PI16: variants seen among roughly 807,000 people sequenced by gnomAD.
PI16 encodes PSP94-binding protein.
PI16 carries 35 observed loss-of-function variants against 38.0 expected under a neutral mutation model. The ratio of observed to expected loss-of-function variants is 0.92; its 90% confidence interval spans 0.70 to 1.22. The LOEUF (loss-of-function observed/expected upper bound fraction) is 1.22. PI16 is among the 50% of genes most tolerant of loss of function. The pLI, the probability that PI16 is intolerant of heterozygous loss-of-function variation, is 0.00. For synonymous variants in PI16, 275 were observed against 252.9 expected, an observed-to-expected ratio of 1.09 and a Z score of -0.83; for missense variants, 572 against 593.8, an observed-to-expected ratio of 0.96 and a Z score of 0.38.
chr6:36,961,574 G>A lies in PI16; in HGVS notation c.503+14G>A, dbSNP rs767562274. 1.2e-6 allele frequency: 2 copies of A among 1,610,862 alleles called. No individual in the cohort carries two copies. Among genetic ancestry groups the A allele is most frequent in the Non-Finnish European group, 1.7e-6 (2 of 1,177,100 alleles). ...CTATGAGCCTCCGTGAGTGCCGGGGGGAACCCTGGAGATGGAGAGGGGGAA... is the reference window on the plus strand; with the variant it reads ...CTATGAGCCTCCGTGAGTGCCGGGGAGAACCCTGGAGATGGAGAGGGGGAA... On this transcript the variant is annotated intron_variant, in intron 3 of 6. Transcript: ENST00000373674.
chr6:36,959,297 C>T lies in PI16; in HGVS notation c.324C>T (p.His108=). 2 of 1,590,692 alleles carry T rather than the reference C, an allele frequency of 1.3e-6. No individual in the cohort carries two copies. Among genetic ancestry groups the T allele is most frequent in the East Asian group, 2.3e-5 (1 of 43,740 alleles). ...DVPLAMEEWH[H]EREHYNLSAA... ...CGCTGGCCATGGAGGAGTGGCACCACGAGCGTGAGCACTACAACCTCAGCG... is the reference window on the plus strand; with the variant it reads ...CGCTGGCCATGGAGGAGTGGCACCATGAGCGTGAGCACTACAACCTCAGCG... Residue 108 remains histidine, a synonymous_variant, in exon 2 of 7, where the codon CAC becomes CAT. Transcript: ENST00000373674.
At chr6:36,959,780 A>G (rs1275043011) in intron 2 of PI16, among the ~76,000 whole-genome samples, 1 of 151,788 alleles carries the variant, frequency 6.6e-6, no homozygotes, top group African/African-American at 2.4e-5. Context: ...AGGTGGAAGG[A>G]TCACTTCAGC....
chr6:36,954,042 C>T (rs569767231), upstream of PI16, among the ~76,000 whole-genome samples: 16 of 152,334 alleles, frequency 1.1e-4, no homozygotes, highest in African/African-American at 2.9e-4. Context: ...GGCCTCTCCC[C>T]CCGCAGGCAA....
rs1174323147 is a variant in PI16 at position 36,961,612 on chromosome 6, G to A, written c.503+52G>A. 4.5e-6 allele frequency: 7 copies of A among 1,541,434 alleles called. No homozygotes were observed. In the East Asian group the frequency reaches 1.6e-4, roughly 35 times the overall value. On this transcript the variant is annotated intron_variant, in intron 3 of 6. Coordinates refer to ENST00000373674, the MANE Select transcript of PI16 (RefSeq NM_153370.3). ...TGGAGAGGGGGAAGGCACAGGCAGA[G>A]CCAAGGGGAGGGCAGAGTCGGCCAC...
upstream of PI16, among the ~76,000 whole-genome samples, chr6:36,951,024 C>A (rs548114827): frequency 6.6e-6 from 1 of 152,232 alleles, no homozygotes; most frequent in South Asian, 2.1e-4. Context: ...TCAACACTTG[C>A]TATTTTCTGT....
upstream of PI16, among the ~76,000 whole-genome samples, chr6:36,953,816 G>A (rs1427706455): frequency 2.0e-5 from 3 of 152,094 alleles, no homozygotes; most frequent in Non-Finnish European, 4.4e-5. Context: ...CAGAGCTCCT[G>A]GTGCATCAGC....
intron 2 of PI16, among the ~76,000 whole-genome samples, 199 bp downstream of exon 2, chr6:36,959,565 C>T (rs1763300089): frequency 6.6e-6 from 1 of 152,204 alleles, no homozygotes; most frequent in African/African-American, 2.4e-5. Flanking sequence ...AAGACTCTGA[C>T]GGAGTCGGCT....
chr6:36,954,516 A>G (rs573237359), upstream of PI16: 14 of 505,262 alleles, frequency 2.8e-5, no homozygotes, highest in Non-Finnish European at 4.5e-5. Flanking sequence ...GAACTCACAC[A>G]GCTTTTGGCC....
intron 6 of PI16, 28 bp downstream of exon 6, chr6:36,963,990 C>A: frequency 6.3e-7 from 1 of 1,584,974 alleles, no homozygotes; most frequent in Non-Finnish European, 8.6e-7. Flanking sequence ...GGGCCCTGGC[C>A]TCATACCCAC....
chr6:36,953,910 C>T (rs58759314), upstream of PI16, among the ~76,000 whole-genome samples: 5,743 of 152,298 alleles, frequency 0.038, 375 homozygotes, highest in African/African-American at 0.13. Context: ...CACAGGGGTC[C>T]CAGCATCCCA....
In PI16 at chr6:36,954,891, G is replaced by A. The variant is rs367635172; in HGVS notation, c.131G>A (p.Arg44Gln). ...ATGGTGGAGCTGCACAACCTCTACC[G>A]GGCCCAGGTATCCCCGACGGCCTCA... is the stretch of plus-strand genomic sequence containing the variant. ...RLMVELHNLYRAQVSPTASDM... is the reference protein window; with the variant it reads ...RLMVELHNLYQAQVSPTASDM... The change falls in exon 1 of 7, where the codon CGG becomes CAG. Residue 44 changes from arginine (R) to glutamine (Q), a missense_variant. Physicochemically the swap from Arg to Gln is conservative, Grantham distance 43. Transcript: ENST00000373674. 51 of 1,613,648 alleles carry A rather than the reference G, an allele frequency of 3.2e-5. 1 individual carries two copies. In the South Asian group the frequency reaches 3.7e-4, roughly 12 times the overall value.
intron 1 of PI16, among the ~76,000 whole-genome samples, chr6:36,956,901 C>G (rs1763221810): frequency 6.6e-6 from 1 of 152,190 alleles, no homozygotes; most frequent in Admixed American, 6.5e-5. Flanking sequence ...GCCTCCAGAG[C>G]TAATCAGCAC....
In PI16 at chr6:36,963,373, C is replaced by G. The variant is rs1260157334; in HGVS notation, c.1031C>G (p.Thr344Arg). Residue 344 changes from threonine to arginine, a missense_variant, in exon 5 of 7, where the codon ACA becomes AGA. Thr to Arg is a moderately conservative substitution (Grantham distance 71, BLOSUM62 -1). Coordinates refer to ENST00000373674, the MANE Select transcript of PI16 (RefSeq NM_153370.3). ...TCTCTGGACCCCAAGATGTCCCTGACAGGGGCAAGGGAACTCCTACCCCAT... is the reference window on the plus strand; with the variant it reads ...TCTCTGGACCCCAAGATGTCCCTGAGAGGGGCAAGGGAACTCCTACCCCAT... ...ENSLDPKMSL[T>R]GARELLPHAQ... The G allele has an allele frequency of 4.3e-6, 7 of 1,614,210 alleles. No individual in the cohort carries two copies. The highest frequency in any genetic ancestry group is 5.9e-6 in the Non-Finnish European group (7 of 1,180,030).
upstream of PI16, among the ~76,000 whole-genome samples, chr6:36,950,716 C>T (rs1003788305): frequency 3.0e-4 from 45 of 152,164 alleles, no homozygotes; most frequent in Admixed American, 2.6e-3. The surrounding 1 kb of genome is among the most constrained non-coding windows in gnomAD (Gnocchi z 4.2). Context: ...GCTAATTTTG[C>T]GCTTTTGGCA....
intron 2 of PI16, 123 bp from the exon 3 acceptor site, chr6:36,961,328 G>T (rs752592497): frequency 2.5e-6 from 2 of 795,514 alleles, no homozygotes; most frequent in Non-Finnish European, 4.4e-6. Flanking sequence ...CCTTGGGGAC[G>T]TGGATGTCAC....
chr6:36,962,005 G>A lies in PI16; in HGVS notation c.592+31G>A. 1 of 1,572,134 alleles carries A rather than the reference G, an allele frequency of 6.4e-7. No individual in the cohort carries two copies. Among genetic ancestry groups the A allele is most frequent in the South Asian group, 1.1e-5 (1 of 90,226 alleles). On this transcript the variant is annotated intron_variant, in intron 4 of 6. Transcript: ENST00000373674. The surrounding 1 kb of genome is among the most constrained non-coding windows in gnomAD (Gnocchi z 4.1). Reference sequence around the variant, plus strand: ...TCCACGGGTGGATGGGTAGGGGCAGGGGGTGTGGAAATGATGCGATGCAGA... The same window carrying A: ...TCCACGGGTGGATGGGTAGGGGCAGAGGGTGTGGAAATGATGCGATGCAGA...
At chr6:36,957,789 G>A (rs1763244394) in intron 1 of PI16, among the ~76,000 whole-genome samples, 1 of 152,238 alleles carries the variant, frequency 6.6e-6, no homozygotes, top group African/African-American at 2.4e-5. Context: ...TAGTTGACAA[G>A]TATCTGTTGA....
chr6:36,955,082 A>G (rs930014610), intron 1 of PI16, 151 bp downstream of exon 1: 2 of 1,377,960 alleles, frequency 1.5e-6, no homozygotes, highest in African/African-American at 1.5e-5. Flanking sequence ...AGTCCCTGAC[A>G]TGGTATTACA....
intron 2 of PI16, among the ~76,000 whole-genome samples, chr6:36,959,614 T>G (rs1187041385): frequency 6.6e-6 from 1 of 152,180 alleles, no homozygotes; most frequent in African/African-American, 2.4e-5. Flanking sequence ...AGCTCACCCC[T>G]GTAATCCCAG....
Sources: gnomAD v4.1 joint callset for allele counts (sites outside exome capture counted in the v4.1 genomes callset) on GRCh38, gnomAD v4.1.1 for gene constraint, Gnocchi (gnomAD v3.1) non-coding constraint, MANE v1.5 for transcripts, NCBI Gene and HGNC (gene_info 2026-07-23, HGNC 2026-07-21) for gene names.